Variants in TTC39B observed in about 807,000 individuals in gnomAD.
TTC39B encodes tetratricopeptide repeat domain 39B.
TTC39B carries 92 observed loss-of-function variants against 96.6 expected under a neutral mutation model. That is an observed-to-expected ratio of 0.95 (90% CI 0.80 to 1.13). The LOEUF (loss-of-function observed/expected upper bound fraction) is 1.13. TTC39B is among the 50% of genes most tolerant of loss of function. TTC39B has a pLI of 0.00. For synonymous variants in TTC39B, 367 were observed against 299.4 expected, an observed-to-expected ratio of 1.23 and a Z score of -2.33; for missense variants, 955 against 809.3, an observed-to-expected ratio of 1.18 and a Z score of -2.18.
intron 3 of TTC39B, among the ~76,000 whole-genome samples, chr9:15,218,673 T>A: frequency 6.8e-6 from 1 of 148,010 alleles, no homozygotes; most frequent in African/African-American, 2.5e-5. Context: ...TATAAAAATT[T>A]GGAACTATAC....
At chr9:15,266,308 A>G (rs1221770845) in intron 2 of TTC39B, among the ~76,000 whole-genome samples, 1 of 152,096 alleles carries the variant, frequency 6.6e-6, no homozygotes, top group Non-Finnish European at 1.5e-5. Flanking sequence ...GTATAATACT[A>G]AAATAAAGAA....
At position 15,298,148 on chromosome 9, in the gene TTC39B, A is replaced by G. The variant is rs189200082; in HGVS notation, c.240+8936T>C. 5.4e-3 allele frequency among the ~76,000 whole-genome samples: 824 copies of G among 152,264 alleles called. 7 individuals are homozygous for G. The highest frequency in any genetic ancestry group is 6.6e-3 in the Non-Finnish European group (451 of 68,018). On this transcript the variant is annotated intron_variant, in intron 1 of 19. Transcript: ENST00000512701. ...CCTTTTTCTCCTTCTCTTGGACATC[A>G]GAACTCAAGGTTCTCCAGCATTCGG...
exon 2 of TTC39B, chr9:15,267,919 G>T (rs1461520463): frequency 6.2e-7 from 1 of 1,609,698 alleles, no homozygotes; most frequent in Non-Finnish European, 8.5e-7. Flanking sequence ...CTTACATTGA[G>T]ATGGTTTCCA....
At chr9:15,249,958 C>T (rs1822458334) in intron 2 of TTC39B, 1 of 1,287,684 alleles carries the variant, frequency 7.8e-7, no homozygotes, top group Non-Finnish European at 1.0e-6. Context: ...TGAATATAGT[C>T]CCACTATGAA....
chr9:15,222,347 T>G (rs1249613227), intron 3 of TTC39B, among the ~76,000 whole-genome samples: 3 of 152,174 alleles, frequency 2.0e-5, no homozygotes, highest in African/African-American at 4.8e-5. Context: ...CTCGGTGGTG[T>G]TAAGTATATT....
intron 17 of TTC39B, among the ~76,000 whole-genome samples, chr9:15,178,709 G>A (rs1818092264): frequency 6.6e-6 from 1 of 152,170 alleles, no homozygotes; most frequent in Admixed American, 6.5e-5. Flanking sequence ...TACAACAACC[G>A]AAAATCTGAG....
At chr9:15,249,747 A>G (rs1822447990) in intron 2 of TTC39B, 2 of 390,156 alleles carry the variant, frequency 5.1e-6, no homozygotes, top group Non-Finnish European at 7.8e-6. Flanking sequence ...CAGGCTTGAC[A>G]TGAAGCTCTT....
intron 2 of TTC39B, among the ~76,000 whole-genome samples, chr9:15,260,780 A>G (rs1305174723): frequency 2.0e-5 from 3 of 151,816 alleles, no homozygotes; most frequent in African/African-American, 7.3e-5. Flanking sequence ...AGAAGCGATC[A>G]AAATATTTTT....
At chr9:15,258,132 G>C (rs2131527137) in intron 2 of TTC39B, among the ~76,000 whole-genome samples, 1 of 152,238 alleles carries the variant, frequency 6.6e-6, no homozygotes, top group African/African-American at 2.4e-5. Flanking sequence ...AAAGTAGAGG[G>C]AGAGAACAAA....
At chr9:15,269,535 G>A (rs1028294862) in intron 1 of TTC39B, among the ~76,000 whole-genome samples, 2 of 152,078 alleles carry the variant, frequency 1.3e-5, no homozygotes, top group African/African-American at 4.8e-5. Flanking sequence ...CGGTGAGGCA[G>A]AAAAAACAAA....
chr9:15,181,771 G>A (rs111400844), intron 17 of TTC39B, among the ~76,000 whole-genome samples: 2,168 of 152,274 alleles, frequency 0.014, 49 homozygotes, highest in African/African-American at 0.05. Flanking sequence ...CTTGTGCTGC[G>A]CTAAAATTCC....
At position 15,226,811 on chromosome 9, in the gene TTC39B, TTCCAGAAAGAGTTTAAGAGTAAG is replaced by T. The variant is rs1412859878; in HGVS notation, c.276-822_276-800del. 7.2e-5 allele frequency among the ~76,000 whole-genome samples: 11 copies of T among 152,188 alleles called. No homozygotes were observed. In the East Asian group the frequency reaches 1.2e-3, roughly 16 times the overall value. On this transcript the variant is annotated intron_variant, in intron 2 of 19. Transcript: ENST00000512701. Reference sequence around the variant, plus strand: ...GGCAGGTCCACTCAGAGAAGGAAATTTCCAGAAAGAGTTTAAGAGTAAGTCCTGCCCTGTATTACAATAGAATT... The same window carrying T: ...GGCAGGTCCACTCAGAGAAGGAAATTTCCTGCCCTGTATTACAATAGAATT...
chr9:15,274,427 A>C (rs949402567), intron 1 of TTC39B, among the ~76,000 whole-genome samples: 1 of 152,234 alleles, frequency 6.6e-6, no homozygotes, highest in African/African-American at 2.4e-5. Flanking sequence ...ATATTGCATG[A>C]AAGAGCATCA....
intron 1 of TTC39B, among the ~76,000 whole-genome samples, chr9:15,272,908 G>A (rs945105334): frequency 2.0e-5 from 3 of 152,142 alleles, no homozygotes; most frequent in African/African-American, 7.2e-5. Flanking sequence ...TATAAGGCCA[G>A]CACCCAGGGC....
intron 3 of TTC39B, among the ~76,000 whole-genome samples, chr9:15,216,515 C>T (rs189757149): frequency 2.0e-4 from 31 of 152,282 alleles, no homozygotes; most frequent in African/African-American, 7.0e-4. Context: ...AAACCTCTCA[C>T]GGCAAGATTT....
intron 2 of TTC39B, among the ~76,000 whole-genome samples, chr9:15,227,249 G>A (rs1190240911): frequency 1.3e-5 from 2 of 151,610 alleles, no homozygotes; most frequent in East Asian, 1.9e-4. Context: ...CGGAGGTTGC[G>A]GTGAGCCAAG....
intron 2 of TTC39B, among the ~76,000 whole-genome samples, chr9:15,260,703 A>C (rs967250947): frequency 6.6e-6 from 1 of 152,222 alleles, no homozygotes; most frequent in Non-Finnish European, 1.5e-5. Context: ...GGAGAAGGAA[A>C]AAGTTTGTGA....
chr9:15,177,927 T>G (rs1818037486), intron 17 of TTC39B, 113 bp from the exon 18 acceptor site: 1 of 590,150 alleles, frequency 1.7e-6, no homozygotes, highest in Admixed American at 3.4e-5. Flanking sequence ...TGGAGTGCAG[T>G]GGCGCAATCT....
rs1307516284 is a variant in TTC39B at position 15,234,644 on chromosome 9, G to A, written c.276-8632C>T. Among the ~76,000 whole-genome samples the A allele has an allele frequency of 1.2e-4, 19 of 152,224 alleles. No homozygotes were observed. The East Asian group carries it at 2.9e-3, about 23-fold the overall frequency. ...CGGATGGTTGCCGTGTCTGTGTAGG[G>A]AGAAGTAGACATGGGAGACTTTTCA... is the stretch of plus-strand genomic sequence containing the variant. On this transcript the variant is annotated intron_variant, in intron 2 of 19. Coordinates refer to ENST00000512701, the Ensembl canonical transcript of TTC39B.
Sources: gnomAD v4.1 joint callset for allele counts (sites outside exome capture counted in the v4.1 genomes callset) on GRCh38, gnomAD v4.1.1 for gene constraint, MANE v1.5 for transcripts, NCBI Gene and HGNC (gene_info 2026-07-23, HGNC 2026-07-21) for gene names.